Variants in VPS45 observed in about 807,000 individuals in gnomAD.
VPS45 encodes the protein vacuolar protein sorting 45 homolog.
A neutral mutation model predicts 75.9 loss-of-function variants in VPS45; 35 were observed. The observed-to-expected ratio is 0.46, with a 90% CI of 0.35 to 0.61. The LOEUF (loss-of-function observed/expected upper bound fraction) is 0.61, where lower values mean the gene tolerates loss of function less well. Among genes scored for constraint, VPS45 ranks in the 20% least tolerant of loss-of-function variants. The pLI, the probability that VPS45 is intolerant of heterozygous loss-of-function variation, is 0.00. For synonymous variants in VPS45, 220 were observed against 238.2 expected, an observed-to-expected ratio of 0.92 and a Z score of 0.70; for missense variants, 559 against 685.9, an observed-to-expected ratio of 0.81 and a Z score of 2.07.
intron 14 of VPS45, among the ~76,000 whole-genome samples, chr1:150,134,678 C>T (rs1330809746): frequency 2.0e-5 from 3 of 152,104 alleles, no homozygotes; most frequent in African/African-American, 7.2e-5. Context: ...ATACTTTTTT[C>T]ATTAAACTTT....
rs587702344 is a variant in VPS45 at position 150,075,332 on chromosome 1, C to G, written c.290-901C>G. Among the ~76,000 whole-genome samples the G allele has an allele frequency of 3.3e-5, 5 of 151,924 alleles. No individual in the cohort carries two copies. In the East Asian group the frequency reaches 9.7e-4, roughly 29 times the overall value. On this transcript the variant is annotated intron_variant, in intron 3 of 14. Transcript: ENST00000644510. ...AGACTGGATCTTGCTGATTGCATCCCCAGGGGGTAGTTTAACATGTTCCTT... is the reference window on the plus strand; with the variant it reads ...AGACTGGATCTTGCTGATTGCATCCGCAGGGGGTAGTTTAACATGTTCCTT...
chr1:150,075,793 A>C (rs1655340376), intron 3 of VPS45, among the ~76,000 whole-genome samples: 1 of 152,068 alleles, frequency 6.6e-6, no homozygotes, highest in African/African-American at 2.4e-5. Flanking sequence ...TCTATCGCCC[A>C]GGCTGGAGTG....
intron 13 of VPS45, among the ~76,000 whole-genome samples, chr1:150,100,583 T>C (rs1419083982): frequency 5.9e-5 from 9 of 152,250 alleles, no homozygotes; most frequent in Admixed American, 5.2e-4. Context: ...CTTCAAACTA[T>C]ACTACAAGGC....
chr1:150,111,351 C>CA (rs1657638142), intron 14 of VPS45, among the ~76,000 whole-genome samples: 1 of 152,142 alleles, frequency 6.6e-6, no homozygotes, highest in African/African-American at 2.4e-5. Context: ...AGGCAACATA[C>CA]ATACACAAAG....
chr1:150,138,442 A>G (rs1553814451), intron 14 of VPS45, among the ~76,000 whole-genome samples: 1 of 152,074 alleles, frequency 6.6e-6, no homozygotes, highest in African/African-American at 2.4e-5. Context: ...CACCTCATTC[A>G]GTCTCACGGC....
intron 14 of VPS45, among the ~76,000 whole-genome samples, chr1:150,125,853 A>G (rs1420097285): frequency 2.0e-5 from 3 of 151,652 alleles, no homozygotes; most frequent in East Asian, 1.9e-4. Flanking sequence ...ACTCCCAGCT[A>G]ATTTTTGTAT....
intron 7 of VPS45, 34 bp downstream of exon 7, chr1:150,077,813 A>G (rs1056781122): frequency 1.3e-6 from 2 of 1,495,168 alleles, no homozygotes; most frequent in Non-Finnish European, 1.9e-6. Flanking sequence ...ATAGAAGGAT[A>G]ATTTTAAGTG....
In VPS45 at chr1:150,092,501, A is replaced by T. The variant is rs1656388296; in HGVS notation, c.1371+92A>T. 2.6e-5 allele frequency: 28 copies of T among 1,064,004 alleles called. No homozygotes were observed. In the South Asian group the frequency reaches 3.7e-4, roughly 14 times the overall value. The allele number at this position is 1,064,004 out of a possible 1,614,324, so 65.9% of individuals were successfully genotyped here. ...GAATATGATCTTCAAAGTATCTTGA[A>T]GATTGCTGCTAATTTAGTACTGTGT... On this transcript the variant is annotated intron_variant, in intron 12 of 14. Coordinates refer to ENST00000644510, the MANE Select transcript of VPS45 (RefSeq NM_007259.5).
At chr1:150,122,519 C>T in intron 14 of VPS45, among the ~76,000 whole-genome samples, 1 of 151,598 alleles carries the variant, frequency 6.6e-6, no homozygotes, top group Non-Finnish European at 1.5e-5. Flanking sequence ...GTTCCTGGAG[C>T]ACCTTATATA....
intron 14 of VPS45, among the ~76,000 whole-genome samples, chr1:150,139,281 C>T (rs1659262058): frequency 6.6e-6 from 1 of 152,144 alleles, no homozygotes; most frequent in South Asian, 2.1e-4. Flanking sequence ...CCTTACCTCT[C>T]CAATCTCACC....
At chr1:150,090,669 G>T (rs1173165891) in intron 10 of VPS45, among the ~76,000 whole-genome samples, 1 of 152,150 alleles carries the variant, frequency 6.6e-6, no homozygotes, top group East Asian at 1.9e-4. Context: ...TCCATCCTCT[G>T]CAGCCTTATT....
Position 150,122,931 on chromosome 1 carries a change from G to A in VPS45, c.1625+12304G>A, listed in dbSNP as rs907013927. On this transcript the variant is annotated intron_variant, in intron 14 of 14. Coordinates refer to ENST00000644510, the MANE Select transcript of VPS45 (RefSeq NM_007259.5). ...GGAGAATTGCTTGAACCCAGGAGGC[G>A]GAGGTTGCATCACGCCATTACACTC... Among the ~76,000 whole-genome samples the A allele has an allele frequency of 9.5e-5, 14 of 147,810 alleles. No homozygotes were observed. In the South Asian group the frequency reaches 1.7e-3, roughly 18 times the overall value.
At chr1:150,110,774 A>C (rs1278032250) in intron 14 of VPS45, 147 bp downstream of exon 14, 2 of 788,748 alleles carry the variant, frequency 2.5e-6, no homozygotes, top group Non-Finnish European at 3.7e-6. Flanking sequence ...GAATAATTTA[A>C]GAATTTGTGA....
chr1:150,084,416 C>G (rs1310955025), intron 10 of VPS45, among the ~76,000 whole-genome samples: 6 of 152,044 alleles, frequency 3.9e-5, no homozygotes, highest in African/African-American at 1.4e-4. Context: ...AAATGTACAG[C>G]AAGGGGCTGA....
chr1:150,089,856 T>C (rs1656235530), intron 10 of VPS45, among the ~76,000 whole-genome samples: 1 of 152,156 alleles, frequency 6.6e-6, no homozygotes, highest in Non-Finnish European at 1.5e-5. Context: ...TCTTACGAAT[T>C]TGGGATCGAA....
chr1:150,110,655 G>GC, intron 14 of VPS45, 28 bp downstream of exon 14: 2 of 1,558,556 alleles, frequency 1.3e-6, no homozygotes, highest in Non-Finnish European at 1.7e-6. Flanking sequence ...TTCTACAACT[G>GC]TGTCCTCTTT....
chr1:150,069,645 A>G (rs1429406063), intron 2 of VPS45, among the ~76,000 whole-genome samples: 3 of 151,474 alleles, frequency 2.0e-5, no homozygotes, highest in African/African-American at 7.3e-5. Context: ...TTTAGTAGAG[A>G]CAGGGTTTCA....
intron 10 of VPS45, among the ~76,000 whole-genome samples, chr1:150,085,493 A>C (rs1029644928): frequency 7.9e-5 from 12 of 152,020 alleles, no homozygotes; most frequent in African/African-American, 2.7e-4. Context: ...TGTCTAGGGT[A>C]TTGGGATTTT....
chr1:150,072,536 A>G (rs1655134662), intron 3 of VPS45, among the ~76,000 whole-genome samples: 1 of 152,060 alleles, frequency 6.6e-6, no homozygotes, highest in Non-Finnish European at 1.5e-5. Context: ...ACATGCCTGT[A>G]ATCCCAGCTA....
Sources: gnomAD v4.1 joint callset for allele counts (sites outside exome capture counted in the v4.1 genomes callset) on GRCh38, gnomAD v4.1.1 for gene constraint, MANE v1.5 for transcripts, NCBI Gene and HGNC (gene_info 2026-07-23, HGNC 2026-07-21) for gene names.